PIK3CD: variants seen among roughly 807,000 people sequenced by gnomAD.
The protein encoded by PIK3CD is phosphatidylinositol-4,5-bisphosphate 3-kinase catalytic subunit delta.
In PIK3CD, 20 loss-of-function variants were observed where a neutral mutation model predicts 122.9. The ratio of observed to expected loss-of-function variants is 0.16; its 90% CI spans 0.11 to 0.24. The LOEUF is 0.24. Ranked by LOEUF, PIK3CD falls within the 10% of genes least tolerant of loss-of-function variation. PIK3CD has a pLI of 1.00. For missense variants in PIK3CD, 787 were observed against 1,406.3 expected, an observed-to-expected ratio of 0.56 and a Z score of 7.04; for synonymous variants, 596 against 593.4, an observed-to-expected ratio of 1.00 and a Z score of -0.06.
intron 6 of PIK3CD, 29 bp from the exon 7 acceptor site, chr1:9,716,930 C>T (rs1384889677): frequency 6.2e-7 from 1 of 1,613,422 alleles, no homozygotes; most frequent in Non-Finnish European, 8.5e-7. Context: ...GGCCGCCCCA[C>T]CAGCCGCTCA....
intron 1 of PIK3CD, among the ~76,000 whole-genome samples, chr1:9,658,691 G>A (rs1644929985): frequency 6.6e-6 from 1 of 151,908 alleles, no homozygotes. Flanking sequence ...CACTATACCT[G>A]GCTAATTTTT....
the PIK3CD span, among the ~76,000 whole-genome samples, chr1:9,631,893 C>G: frequency 6.6e-6 from 1 of 152,216 alleles, no homozygotes; most frequent in Non-Finnish European, 1.5e-5. Flanking sequence ...TCCAAGCCAT[C>G]TCACCATGTT....
At chr1:9,676,983 G>A (rs1261316740) in intron 1 of PIK3CD, among the ~76,000 whole-genome samples, 5 of 152,144 alleles carry the variant, frequency 3.3e-5, no homozygotes, top group Non-Finnish European at 7.4e-5. Context: ...GTGTGACCAG[G>A]ACAATGACTG....
rs1001849803 is a variant in PIK3CD at position 9,718,756 on chromosome 1, G to A, written c.1083G>A (p.Ser361=). The A allele has an allele frequency of 1.1e-5, 17 of 1,610,032 alleles. No homozygotes were observed. The highest frequency in any genetic ancestry group is 3.3e-5 in the South Asian group (3 of 91,068). Residue 361 remains serine (S), a synonymous_variant, in exon 9 of 24, where the codon TCG becomes TCA. Transcript: ENST00000377346. The surrounding 1 kb of genome is among the most constrained non-coding windows in gnomAD (Gnocchi z 7.2). ...NEMLCKTVSS[S]EVSVCSEPVW... ...TGCTGTGCAAGACGGTGTCCAGCTCGGAGGTGAGCGTGTGCTCGGAGCCCG... is the reference window on the plus strand; with the variant it reads ...TGCTGTGCAAGACGGTGTCCAGCTCAGAGGTGAGCGTGTGCTCGGAGCCCG...
Position 9,689,734 on chromosome 1 carries a change from C to A in PIK3CD, c.-137-1733C>A, listed in dbSNP as rs888926624. 2.0e-5 allele frequency among the ~76,000 whole-genome samples: 3 copies of A among 151,466 alleles called. No homozygotes were observed. The highest frequency in any genetic ancestry group is 1.3e-4 in the Admixed American group (2 of 15,238). ...GCAGCGACACCCGGTACGGAGCCCA[C>A]CTGTGCGGGCGTCTGCGGGGTCCCC... On this transcript the variant is annotated intron_variant, in intron 1 of 23. Transcript: ENST00000377346. The surrounding 1 kb of genome is among the most constrained non-coding windows in gnomAD (Gnocchi z 6.1).
intron 1 of PIK3CD, 95 bp from the exon 2 acceptor site, chr1:9,691,372 T>A: frequency 2.5e-6 from 1 of 393,744 alleles, no homozygotes; most frequent in African/African-American, 2.1e-5. Context: ...AGCAGTTGAT[T>A]TTGAGCTAAC....
At chr1:9,674,399 GC>G (rs1217243520) in intron 1 of PIK3CD, among the ~76,000 whole-genome samples, 1 of 152,210 alleles carries the variant, frequency 6.6e-6, no homozygotes, top group Non-Finnish European at 1.5e-5. Flanking sequence ...ACGAAGGTTG[GC>G]CGGGCGCGGT....
At position 9,728,434 on chromosome 1, in the gene PIK3CD, T is replaced by A. The variant is rs920839760; in HGVS notation, c.*1388T>A. ...GCAGCCCACAGGTGATCCTAACATA[T>A]CAGGCCATGGACTCAGGACCTGCCC... On this transcript the variant is annotated 3_prime_UTR_variant, in exon 24 of 24. Coordinates refer to ENST00000377346, the MANE Select transcript of PIK3CD (RefSeq NM_005026.5). 6.6e-6 allele frequency: 1 copy of A among 152,214 alleles called. No homozygotes were observed. The highest frequency in any genetic ancestry group is 1.5e-5 in the Non-Finnish European group (1 of 68,046). 9.4% of individuals were successfully genotyped at this position (152,214 alleles called of 1,614,324 possible).
intron 1 of PIK3CD, among the ~76,000 whole-genome samples, chr1:9,656,859 C>T (rs1343780546): frequency 2.7e-5 from 4 of 150,018 alleles, no homozygotes; most frequent in Non-Finnish European, 5.9e-5. Flanking sequence ...AGGAGAATTA[C>T]TTGAACCCAG....
intron 1 of PIK3CD, among the ~76,000 whole-genome samples, chr1:9,664,285 G>A (rs1172987878): frequency 6.6e-6 from 1 of 152,098 alleles, no homozygotes; most frequent in Non-Finnish European, 1.5e-5. Context: ...CTGGCCTCAG[G>A]TGATCCACCT....
Position 9,718,286 on chromosome 1 carries a change from A to C in PIK3CD, c.1021-408A>C. The C allele has an allele frequency of 4.3e-6, 2 of 459,864 alleles. No individual in the cohort carries two copies. Among genetic ancestry groups the C allele is most frequent in the Non-Finnish European group, 8.6e-6 (2 of 232,298 alleles). The allele number at this position is 459,864 out of a possible 1,614,324, so 28.5% of individuals were successfully genotyped here. A position where few individuals can be genotyped will look rare whatever the true frequency, so the allele number is the denominator to read the frequency against. On this transcript the variant is annotated intron_variant, in intron 8 of 23. Coordinates refer to ENST00000377346, the MANE Select transcript of PIK3CD (RefSeq NM_005026.5). The surrounding 1 kb of genome is among the most constrained non-coding windows in gnomAD (Gnocchi z 7.2). ...TTCCAGGGTGGTGGTGTCAGGTGGA[A>C]TTGGAAGGGGCCGGACATCAGGTGG...
the PIK3CD span, among the ~76,000 whole-genome samples, chr1:9,644,026 C>A: frequency 0.078 from 11,896 of 152,236 alleles, 1,141 homozygotes; most frequent in African/African-American, 0.22. Context: ...ACTTGCAGCC[C>A]CCACTCCCTG....
At position 9,717,055 on chromosome 1, in the gene PIK3CD, G is replaced by GC; in HGVS notation, c.883dup (p.Gln295ProfsTer133). ...CATGCGGGATGAGCAGAGCAACCCT[G>GC]CCCCCCAGGTCCAGAAACCGCGTGC... On this transcript the variant is annotated frameshift_variant, in exon 7 of 24. Transcript: ENST00000377346. LOFTEE classifies it high-confidence loss of function. This position sits in a 1 kb window ranked among gnomAD's most constrained non-coding sequence, Gnocchi z 5.4. 1 of 1,613,986 alleles carries GC rather than the reference G, an allele frequency of 6.2e-7. No homozygotes were observed.
intron 1 of PIK3CD, among the ~76,000 whole-genome samples, chr1:9,685,139 G>A (rs536027778): frequency 1.8e-4 from 27 of 152,262 alleles, no homozygotes; most frequent in Admixed American, 7.8e-4. Flanking sequence ...GATGGCAGGA[G>A]AGCATGGGCC....
At chr1:9,706,377 C>T (rs938993124) in intron 2 of PIK3CD, among the ~76,000 whole-genome samples, 27 of 151,648 alleles carry the variant, frequency 1.8e-4, no homozygotes, top group African/African-American at 6.3e-4. Flanking sequence ...CCTGTAGTCT[C>T]AGCCACTCAG....
At chr1:9,726,452 T>C (rs1649627601) in intron 23 of PIK3CD, among the ~76,000 whole-genome samples, 1 of 152,192 alleles carries the variant, frequency 6.6e-6, no homozygotes, top group African/African-American at 2.4e-5. Flanking sequence ...GAGGTTGCAG[T>C]GAGCCGAGAT....
chr1:9,725,097 G>A (rs1194394130), intron 23 of PIK3CD, among the ~76,000 whole-genome samples, 161 bp downstream of exon 23: 1 of 152,184 alleles, frequency 6.6e-6, no homozygotes, highest in African/African-American at 2.4e-5. Context: ...GGTGGGCGGT[G>A]GAGGGGAAAG....
At chr1:9,697,166 G>A (rs539327577) in intron 2 of PIK3CD, among the ~76,000 whole-genome samples, 42 of 152,066 alleles carry the variant, frequency 2.8e-4, no homozygotes, top group African/African-American at 9.6e-4. Context: ...GAGCCCAGGA[G>A]TTCAAGACTA....
rs1648996587 is a variant in PIK3CD, at chr1:9,723,381, A to G, written c.2594+89A>G. On this transcript the variant is annotated intron_variant, in intron 20 of 23. Coordinates refer to ENST00000377346, the MANE Select transcript of PIK3CD (RefSeq NM_005026.5). This position sits in a 1 kb window ranked among gnomAD's most constrained non-coding sequence, Gnocchi z 4.9. The stretch of plus-strand genomic sequence containing the variant: ...CGCCTGTCAGAACAAAGGAGCGGGG[A>G]GGGGCCTCAGACCATCTTTGTGGCT... 1.0e-5 allele frequency: 14 copies of G among 1,379,590 alleles called. No homozygotes were observed. The South Asian group carries it at 1.6e-4, about 16-fold the overall frequency. The allele number at this position is 1,379,590 out of a possible 1,614,324, so 85.5% of individuals were successfully genotyped here. A position where few individuals can be genotyped will look rare whatever the true frequency, so the allele number is the denominator to read the frequency against.
Sources: allele counts gnomAD v4.1 joint callset (sites outside exome capture counted in the v4.1 genomes callset), GRCh38; gene constraint gnomAD v4.1.1; non-coding constraint Gnocchi (gnomAD v3.1); transcripts MANE v1.5; gene names NCBI Gene and HGNC (gene_info 2026-07-23, HGNC 2026-07-21).